Variants in MYRFL observed in about 807,000 individuals in gnomAD.
MYRFL encodes the protein myelin regulatory factor like, also known as myelin regulatory factor-like protein.
In MYRFL, 88 loss-of-function variants were observed where a neutral mutation model predicts 109.4. The observed-to-expected ratio is 0.80, with a 90% CI of 0.68 to 0.96. The LOEUF is 0.96. MYRFL is among the 40% of genes least tolerant of loss of function. MYRFL has a pLI of 0.00. For synonymous variants in MYRFL, 324 were observed against 320.9 expected (o/e 1.01, Z -0.10); for missense variants, 957 against 954.9 (o/e 1.00, Z -0.03).
intron 2 of MYRFL, among the ~76,000 whole-genome samples, chr12:69,870,877 C>A (rs1885312178): frequency 6.6e-6 from 1 of 152,178 alleles, no homozygotes; most frequent in Non-Finnish European, 1.5e-5. Flanking sequence ...CGTTAAGGGA[C>A]TGCTGGATGG....
intron 2 of MYRFL, among the ~76,000 whole-genome samples, chr12:69,864,079 C>A (rs963315869): frequency 6.6e-6 from 1 of 152,078 alleles, no homozygotes; most frequent in Admixed American, 6.5e-5. Context: ...AAGATATTTT[C>A]TTTATCTTTG....
Position 69,952,786 on chromosome 12 carries a change from C to T in MYRFL, c.2288-13C>T. 2.0e-6 allele frequency: 3 copies of T among 1,493,378 alleles called. No individual in the cohort carries two copies. The highest frequency in any genetic ancestry group is 1.2e-5 in the South Asian group (1 of 80,482). 92.5% of individuals were successfully genotyped at this position (1,493,378 alleles called of 1,614,324 possible). Reference sequence around the variant, plus strand: ...AAGAGTTTATTTACTTTGTCTATTTCTTCTCAATTCAGGGATTGATACAAC... The same window carrying T: ...AAGAGTTTATTTACTTTGTCTATTTTTTCTCAATTCAGGGATTGATACAAC... On this transcript the variant is annotated splice_polypyrimidine_tract_variant and intron_variant, in intron 20 of 24. Transcript: ENST00000552032.
intron 2 of MYRFL, among the ~76,000 whole-genome samples, chr12:69,859,119 T>C (rs1884482180): frequency 1.3e-5 from 2 of 152,240 alleles, no homozygotes; most frequent in Admixed American, 6.5e-5. Context: ...CATGGGTTGC[T>C]GGAAATGTAT....
Position 69,896,889 on chromosome 12 carries a change from C to T in MYRFL, c.1092-267C>T, listed in dbSNP as rs1287915994. On this transcript the variant is annotated intron_variant, in intron 9 of 24. Coordinates refer to ENST00000552032, the MANE Select transcript of MYRFL (RefSeq NM_182530.3). The stretch of plus-strand genomic sequence containing the variant: ...TCCTGGGATGTCTCCGCAGGGTGGC[C>T]TGCTTTCCTGCTCTTTTGGGGCATG... Among the ~76,000 whole-genome samples, 4 of 152,220 alleles carry T rather than the reference C, an allele frequency of 2.6e-5. 1 individual carries two copies. The highest frequency in any genetic ancestry group is 2.6e-4 in the Admixed American group (4 of 15,282).
At chr12:69,839,051 T>C (rs556770378) in intron 1 of MYRFL, among the ~76,000 whole-genome samples, 4 of 152,150 alleles carry the variant, frequency 2.6e-5, no homozygotes, top group African/African-American at 7.2e-5. Context: ...GAAAAAGCAA[T>C]GAAGGATGGA....
At chr12:69,953,927 C>T (rs1592903646) in intron 21 of MYRFL, among the ~76,000 whole-genome samples, 1 of 152,194 alleles carries the variant, frequency 6.6e-6, no homozygotes, top group East Asian at 1.9e-4. Context: ...CTTTTCCAAC[C>T]TGATATAACC....
At chr12:69,846,726 C>G (rs1883574026) in intron 1 of MYRFL, among the ~76,000 whole-genome samples, 2 of 152,056 alleles carry the variant, frequency 1.3e-5, no homozygotes, top group South Asian at 4.1e-4. Context: ...AATGGGATGG[C>G]TGGGTCAAAT....
In MYRFL at chr12:69,895,355, T is replaced by G; in HGVS notation, c.981-16T>G. Reference sequence around the variant, plus strand: ...CTTATAGTCTCTTGGTTTTTTTTTTTTGCTGTTTGTTTTAGAATTGACCTA... The same window carrying G: ...CTTATAGTCTCTTGGTTTTTTTTTTGTGCTGTTTGTTTTAGAATTGACCTA... On this transcript the variant is annotated splice_polypyrimidine_tract_variant and intron_variant, in intron 8 of 24. Coordinates refer to ENST00000552032, the MANE Select transcript of MYRFL (RefSeq NM_182530.3). 1 of 1,509,262 alleles carries G rather than the reference T, an allele frequency of 6.6e-7. No homozygotes were observed. Among genetic ancestry groups the G allele is most frequent in the Non-Finnish European group, 8.9e-7 (1 of 1,129,532 alleles). The allele number at this position is 1,509,262 out of a possible 1,614,324, so 93.5% of individuals were successfully genotyped here. A position where few individuals can be genotyped will look rare whatever the true frequency, so the allele number is the denominator to read the frequency against.
chr12:69,891,568 T>TCTTC (rs1886810141), intron 7 of MYRFL, among the ~76,000 whole-genome samples: 3 of 101,662 alleles, frequency 3.0e-5, no homozygotes, highest in Middle Eastern at 9.0e-3. Context: ...TCAATTTCTT[T>TCTTC]CTTTCTTTCT....
chr12:69,914,293 C>G (rs542516837), intron 13 of MYRFL, among the ~76,000 whole-genome samples: 1 of 152,044 alleles, frequency 6.6e-6, no homozygotes, highest in East Asian at 1.9e-4. Context: ...TATTAGAAAA[C>G]TTTAGTATTT....
intron 2 of MYRFL, among the ~76,000 whole-genome samples, chr12:69,871,715 T>C (rs1403915052): frequency 6.6e-6 from 1 of 152,236 alleles, no homozygotes; most frequent in Non-Finnish European, 1.5e-5. Flanking sequence ...TTTTTAGTTA[T>C]GTCAATATCC....
chr12:69,855,432 G>T, intron 2 of MYRFL, 62 bp downstream of exon 2: 1 of 686,442 alleles, frequency 1.5e-6, no homozygotes, highest in South Asian at 1.5e-5. Context: ...GATTAAATGA[G>T]CTAAGAAGTG....
At chr12:69,936,227 G>A (rs1269059481) in intron 17 of MYRFL, 40 bp downstream of exon 17, 1 of 1,534,894 alleles carries the variant, frequency 6.5e-7, no homozygotes. Flanking sequence ...AAATTCCTTT[G>A]GAGAGAAGGA....
At chr12:69,945,981 C>T (rs1253284830) in intron 19 of MYRFL, among the ~76,000 whole-genome samples, 2 of 53,716 alleles carry the variant, frequency 3.7e-5, no homozygotes, top group Admixed American at 2.7e-4. Flanking sequence ...AGCGAGACTC[C>T]GTCTCAAAAA....
intron 7 of MYRFL, among the ~76,000 whole-genome samples, chr12:69,892,016 C>T (rs550512301): frequency 2.6e-5 from 4 of 152,206 alleles, no homozygotes; most frequent in East Asian, 1.9e-4. Context: ...GAAAATGGCA[C>T]GGCATCATTC....
intron 2 of MYRFL, among the ~76,000 whole-genome samples, chr12:69,858,170 T>G (rs1242267826): frequency 2.8e-4 from 42 of 151,928 alleles, no homozygotes; most frequent in Admixed American, 2.8e-3. Flanking sequence ...TAGTTTTTGA[T>G]TATTGAACTG....
At chr12:69,900,371 C>G (rs780603984) in intron 10 of MYRFL, among the ~76,000 whole-genome samples, 13 of 152,112 alleles carry the variant, frequency 8.5e-5, no homozygotes, top group Non-Finnish European at 1.6e-4. Context: ...ATCTTTCTGT[C>G]AACTACAGAA....
At chr12:69,832,886 TCAA>T (rs1208621690) in intron 1 of MYRFL, among the ~76,000 whole-genome samples, 1 of 151,906 alleles carries the variant, frequency 6.6e-6, no homozygotes, top group Non-Finnish European at 1.5e-5. Flanking sequence ...GGTGTTGGTG[TCAA>T]CAATTCATGG....
At chr12:69,939,431 C>G (rs1396747835) in intron 19 of MYRFL, among the ~76,000 whole-genome samples, 1 of 152,112 alleles carries the variant, frequency 6.6e-6, no homozygotes, top group Non-Finnish European at 1.5e-5. Flanking sequence ...AGCAGGGGCA[C>G]ACTGACACCT....
Sources: allele counts gnomAD v4.1 joint callset (sites outside exome capture counted in the v4.1 genomes callset), GRCh38; gene constraint gnomAD v4.1.1; transcripts MANE v1.5; gene names NCBI Gene and HGNC (gene_info 2026-07-23, HGNC 2026-07-21).